The following EDN1 variants were observed in gnomAD, a reference collection of about 807,000 sequenced individuals.
EDN1 encodes endothelin 1, also known as endothelin-1.
A neutral mutation model predicts 21.7 loss-of-function variants in EDN1; 11 were observed. The observed-to-expected ratio is 0.51, with a 90% CI of 0.32 to 0.84. The LOEUF is 0.84. Ranked by LOEUF, EDN1 falls within the 40% of genes least tolerant of loss-of-function variation. EDN1 has a pLI of 0.03. For missense variants in EDN1, 244 were observed against 262.3 expected (o/e 0.93, Z 0.48); for synonymous variants, 85 against 90.6 (o/e 0.94, Z 0.35).
At chr6:12,248,916 G>C in the EDN1 span, among the ~76,000 whole-genome samples, 3 of 152,194 alleles carry the variant, frequency 2.0e-5, no homozygotes, top group Admixed American at 6.5e-5. Context: ...TGTGATGATA[G>C]AACAAGTGTG....
the EDN1 span, among the ~76,000 whole-genome samples, chr6:12,268,580 C>T: frequency 6.6e-6 from 1 of 152,088 alleles, no homozygotes; most frequent in Non-Finnish European, 1.5e-5. Flanking sequence ...TTGTCCTTTC[C>T]TCAATATGTG....
upstream of EDN1, among the ~76,000 whole-genome samples, chr6:12,287,699 C>CTA (rs1762577720): frequency 1.3e-5 from 1 of 75,278 alleles, no homozygotes; most frequent in Admixed American, 1.9e-4. Context: ...CTCTCTCTCT[C>CTA]TCTCTCTCTC....
At chr6:12,281,704 CATTTTCCTTAGTT>C in the EDN1 span, among the ~76,000 whole-genome samples, 1 of 152,156 alleles carries the variant, frequency 6.6e-6, no homozygotes, top group South Asian at 2.1e-4. Flanking sequence ...TAAAGATTGT[CATTTTCCTTAGTT>C]ATGTTCTATT....
chr6:12,268,174 A>G, the EDN1 span, among the ~76,000 whole-genome samples: 1 of 152,204 alleles, frequency 6.6e-6, no homozygotes, highest in Non-Finnish European at 1.5e-5. Flanking sequence ...TCTGTAGCCC[A>G]TGGATCAAGG....
chr6:12,257,727 C>T, the EDN1 span, among the ~76,000 whole-genome samples: 1 of 152,148 alleles, frequency 6.6e-6, no homozygotes, highest in African/African-American at 2.4e-5. Context: ...TCATTTCTTA[C>T]TCTTTGATTG....
At chr6:12,280,230 A>G in the EDN1 span, among the ~76,000 whole-genome samples, 4 of 152,296 alleles carry the variant, frequency 2.6e-5, no homozygotes, top group East Asian at 7.7e-4. Context: ...CAATAAAAGG[A>G]TCTTTCAAAG....
the EDN1 span, among the ~76,000 whole-genome samples, chr6:12,251,833 C>T: frequency 9.6e-4 from 146 of 152,278 alleles, no homozygotes; most frequent in Admixed American, 3.8e-3. Context: ...GTCTTTCAGA[C>T]CTCTCCTTTC....
intron 1 of EDN1, among the ~76,000 whole-genome samples, chr6:12,291,334 A>G (rs567749033): frequency 6.6e-6 from 1 of 151,178 alleles, no homozygotes; most frequent in African/African-American, 2.4e-5. Context: ...CACCCAAAAC[A>G]GTGTGAGCTC....
At chr6:12,272,162 T>C in the EDN1 span, among the ~76,000 whole-genome samples, 5 of 152,222 alleles carry the variant, frequency 3.3e-5, no homozygotes, top group African/African-American at 1.2e-4. Context: ...GAATCCTCTC[T>C]TTCTTTTTCA....
chr6:12,250,201 G>A, the EDN1 span, among the ~76,000 whole-genome samples: 246 of 151,776 alleles, frequency 1.6e-3, 2 homozygotes, highest in African/African-American at 5.8e-3. Context: ...TTCACTGACT[G>A]CTGGAAAATA....
At chr6:12,275,950 C>T in the EDN1 span, among the ~76,000 whole-genome samples, 2 of 152,028 alleles carry the variant, frequency 1.3e-5, no homozygotes, top group African/African-American at 4.8e-5. Context: ...ATCACAAGGT[C>T]AGGAGATCGA....
the EDN1 span, among the ~76,000 whole-genome samples, chr6:12,271,377 G>T: frequency 5.1e-3 from 771 of 151,414 alleles, 8 homozygotes; most frequent in African/African-American, 0.018. Context: ...GTTATTCTGG[G>T]GCTTACATAA....
chr6:12,262,892 T>C, the EDN1 span, among the ~76,000 whole-genome samples: 1 of 140,744 alleles, frequency 7.1e-6, no homozygotes, highest in African/African-American at 2.6e-5. Context: ...AAAAAAAAAA[T>C]TCAATTAACC....
rs1257707514 is a variant in EDN1, at chr6:12,294,333, G to C, written c.462G>C (p.Lys154Asn). 6.2e-7 allele frequency: 1 copy of C among 1,614,194 alleles called. No individual in the cohort carries two copies. The highest frequency in any genetic ancestry group is 2.2e-5 in the East Asian group (1 of 44,884). The change falls in exon 4 of 5, where the codon AAG (lysine) becomes AAC (asparagine). Residue 154 changes from lysine (K) to asparagine (N), a missense_variant. Lys to Asn is a moderately conservative substitution (Grantham distance 94). Transcript: ENST00000379375. ...AAGACTGTTCCAAGCTTGGGAAAAA[G>C]TGTATTTATCAGCAGTTAGTGAGAG... ...KGKDCSKLGK[K>N]CIYQQLVRGR...
the EDN1 span, among the ~76,000 whole-genome samples, chr6:12,272,912 A>G: frequency 6.6e-6 from 1 of 152,234 alleles, no homozygotes; most frequent in Non-Finnish European, 1.5e-5. Context: ...AGAGCAGAGC[A>G]GGAGGGAAGA....
the EDN1 span, among the ~76,000 whole-genome samples, chr6:12,234,138 T>C: frequency 6.6e-6 from 1 of 152,346 alleles, no homozygotes; most frequent in East Asian, 1.9e-4. Context: ...TCACTACTTT[T>C]GTGGTTAGAA....
chr6:12,232,371 C>T, the EDN1 span, among the ~76,000 whole-genome samples: 1 of 149,968 alleles, frequency 6.7e-6, no homozygotes, highest in Admixed American at 6.7e-5. Flanking sequence ...TTTTTTTTCA[C>T]CAAGCAATAA....
chr6:12,250,146 AGAAG>A, the EDN1 span, among the ~76,000 whole-genome samples: 1 of 151,920 alleles, frequency 6.6e-6, no homozygotes, highest in East Asian at 1.9e-4. Context: ...CTGATCCCTC[AGAAG>A]CATACAAGAT....
the EDN1 span, among the ~76,000 whole-genome samples, chr6:12,244,629 T>C: frequency 6.6e-6 from 1 of 152,220 alleles, no homozygotes. Context: ...CATGCAAAAA[T>C]AGGCTATTTC....
Sources: gnomAD v4.1 joint callset for allele counts (sites outside exome capture counted in the v4.1 genomes callset) on GRCh38, gnomAD v4.1.1 for gene constraint, MANE v1.5 for transcripts, NCBI Gene and HGNC (gene_info 2026-07-23, HGNC 2026-07-21) for gene names.